Variants in KIRREL3 observed in about 807,000 individuals in gnomAD.
KIRREL3 encodes kirre like nephrin family adhesion molecule 3, also known as kin of IRRE-like protein 3.
A neutral mutation model predicts 89.7 loss-of-function variants in KIRREL3; 36 were observed. The ratio of observed to expected loss-of-function variants is 0.40; its 90% confidence interval spans 0.31 to 0.53. The LOEUF (loss-of-function observed/expected upper bound fraction) is 0.53. KIRREL3 is among the 20% of genes least tolerant of loss of function. KIRREL3 has a pLI of 0.49. For synonymous variants in KIRREL3, 445 were observed against 441.4 expected (o/e 1.01, Z -0.10); for missense variants, 864 against 1,056.6 (o/e 0.82, Z 2.53).
chr11:126,979,170 A>G (rs1023994079), intron 1 of KIRREL3, among the ~76,000 whole-genome samples: 4 of 152,240 alleles, frequency 2.6e-5, no homozygotes, highest in African/African-American at 4.8e-5. Flanking sequence ...TCCATTGTCA[A>G]TGCTCCACAG....
chr11:126,573,964 A>G (rs2134637754), intron 1 of KIRREL3, among the ~76,000 whole-genome samples: 2 of 152,186 alleles, frequency 1.3e-5, no homozygotes, highest in Middle Eastern at 6.8e-3. Flanking sequence ...TCCTGATTCT[A>G]CCCATTCTAT....
chr11:126,523,077 A>C lies in KIRREL3; in HGVS notation c.284-1613T>G, dbSNP rs1348717864. ...GGGTTGGGCATGTTCCTGAGCTCCC[A>C]AGGGCAGCACCAGCACCAACAGGCA... is the stretch of plus-strand genomic sequence containing the variant. On this transcript the variant is annotated intron_variant, in intron 3 of 16. Transcript: ENST00000525144. This position sits in a 1 kb window ranked among gnomAD's most constrained non-coding sequence, Gnocchi z 4.9. Among the ~76,000 whole-genome samples the C allele has an allele frequency of 6.6e-6, 1 of 152,224 alleles. No individual in the cohort carries two copies. Among genetic ancestry groups the C allele is most frequent in the Non-Finnish European group, 1.5e-5 (1 of 68,036 alleles).
chr11:126,712,944 TTAGGTGC>T (rs1947819799), intron 1 of KIRREL3, among the ~76,000 whole-genome samples: 2 of 152,214 alleles, frequency 1.3e-5, no homozygotes, highest in Admixed American at 1.3e-4. Flanking sequence ...GTGCTAGGTA[TTAGGTGC>T]TAGGTGTTAG....
At position 126,525,351 on chromosome 11, in the gene KIRREL3, G is replaced by A. The variant is rs117056283; in HGVS notation, c.283+1187C>T. Among the ~76,000 whole-genome samples, 1,155 of 152,338 alleles carry A rather than the reference G, an allele frequency of 7.6e-3. 10 individuals carry two copies. Among genetic ancestry groups the A allele is most frequent in the Non-Finnish European group, 0.012 (838 of 68,040 alleles). ...AGTTTCTCTAGGGTAAAGGCGTTCG[G>A]AGTCTCTGAAATTGGCTGGTTCCCA... is the stretch of plus-strand genomic sequence containing the variant. On this transcript the variant is annotated intron_variant, in intron 3 of 16. Coordinates refer to ENST00000525144, the MANE Select transcript of KIRREL3 (RefSeq NM_032531.4). The surrounding 1 kb of genome is among the most constrained non-coding windows in gnomAD (Gnocchi z 5.4).
intron 1 of KIRREL3, chr11:126,988,464 C>T (rs1010691477): frequency 1.3e-5 from 2 of 152,732 alleles, no homozygotes; most frequent in East Asian, 1.9e-4. Flanking sequence ...ACACGGCTGT[C>T]GGGACACCAG....
intron 1 of KIRREL3, among the ~76,000 whole-genome samples, chr11:126,706,049 T>C (rs1187845989): frequency 6.6e-6 from 1 of 152,212 alleles, no homozygotes; most frequent in East Asian, 1.9e-4. Flanking sequence ...TTATCAGCCA[T>C]GTGAGTGAAC....
At chr11:126,789,838 C>T (rs764914793) in intron 1 of KIRREL3, among the ~76,000 whole-genome samples, 1 of 152,198 alleles carries the variant, frequency 6.6e-6, no homozygotes, top group East Asian at 1.9e-4. Flanking sequence ...TATGGAATCC[C>T]GTCCTTGAAC....
chr11:126,583,503 T>A lies in KIRREL3; in HGVS notation c.56-20591A>T, dbSNP rs376884547. Among the ~76,000 whole-genome samples the A allele has an allele frequency of 2.0e-5, 3 of 152,296 alleles. No individual in the cohort carries two copies. The East Asian group carries it at 5.8e-4, about 29-fold the overall frequency. ...GAGCTTCTCTGTTCACATATTTACA[T>A]ATCAAGATAGAAAATGAATATACGA... On this transcript the variant is annotated intron_variant, in intron 1 of 16. Coordinates refer to ENST00000525144, the MANE Select transcript of KIRREL3 (RefSeq NM_032531.4).
chr11:126,452,059 G>T (rs936859889), intron 7 of KIRREL3, among the ~76,000 whole-genome samples: 1 of 151,954 alleles, frequency 6.6e-6, no homozygotes, highest in Non-Finnish European at 1.5e-5. Flanking sequence ...TCTTGCCTCC[G>T]TCTGACCCAT....
At chr11:126,695,125 G>A (rs1947037138) in intron 1 of KIRREL3, among the ~76,000 whole-genome samples, 1 of 152,206 alleles carries the variant, frequency 6.6e-6, no homozygotes, top group Non-Finnish European at 1.5e-5. Context: ...AGCTATGAAA[G>A]AGACCGTGGG....
chr11:126,886,756 A>G (rs1945711838), intron 1 of KIRREL3, among the ~76,000 whole-genome samples: 1 of 152,142 alleles, frequency 6.6e-6, no homozygotes, highest in South Asian at 2.1e-4. Context: ...TGACTGGGGA[A>G]TGACAGTCTT....
chr11:126,617,943 CA>C (rs1306676416), intron 1 of KIRREL3, among the ~76,000 whole-genome samples: 1 of 152,188 alleles, frequency 6.6e-6, no homozygotes, highest in Non-Finnish European at 1.5e-5. Flanking sequence ...TGTCCCCACC[CA>C]AGTCTTATGT....
chr11:126,507,234 T>C (rs1958051286), intron 4 of KIRREL3, among the ~76,000 whole-genome samples: 1 of 151,900 alleles, frequency 6.6e-6, no homozygotes, highest in Non-Finnish European at 1.5e-5. Flanking sequence ...GGGATCGTTT[T>C]AGGGTGATGA....
chr11:126,988,752 G>A (rs1287143788), intron 1 of KIRREL3, among the ~76,000 whole-genome samples: 1 of 152,208 alleles, frequency 6.6e-6, no homozygotes, highest in Admixed American at 6.5e-5. Context: ...TAGATTGCTA[G>A]GGGATGGAAT....
In KIRREL3 at chr11:126,891,841, G is replaced by A. The variant is rs972031631; in HGVS notation, c.55+108614C>T. 6.6e-6 allele frequency among the ~76,000 whole-genome samples: 1 copy of A among 152,208 alleles called. No individual in the cohort carries two copies. Among genetic ancestry groups the A allele is most frequent in the East Asian group, 1.9e-4 (1 of 5,190 alleles). The stretch of plus-strand genomic sequence containing the variant: ...GTGAGGTCTGTCTTTTCTTTGAAAG[G>A]GACAGAGGAGTGTGGTCCTTGGGAC... On this transcript the variant is annotated intron_variant, in intron 1 of 16. Transcript: ENST00000525144. The surrounding 1 kb of genome is among the most constrained non-coding windows in gnomAD (Gnocchi z 5.1).
chr11:126,894,932 CAG>C (rs1946089778), intron 1 of KIRREL3, among the ~76,000 whole-genome samples: 1 of 151,584 alleles, frequency 6.6e-6, no homozygotes. Context: ...CCATTCTAGG[CAG>C]AGAGAGGCAT....
chr11:126,644,543 C>T (rs940690457), intron 1 of KIRREL3, among the ~76,000 whole-genome samples: 1 of 151,904 alleles, frequency 6.6e-6, no homozygotes, highest in Non-Finnish European at 1.5e-5. Context: ...CTGAAATCAC[C>T]AAGGATGAAG....
Position 126,854,961 on chromosome 11 carries a change from T to C in KIRREL3, c.55+145494A>G, listed in dbSNP as rs528595755. ...ACAGATATAGATTCACCCTTGTCTC[T>C]AAGTCGTGGCTGTGGTACAGATGTG... On this transcript the variant is annotated intron_variant, in intron 1 of 16. Transcript: ENST00000525144. Among the ~76,000 whole-genome samples, 8 of 152,280 alleles carry C rather than the reference T, an allele frequency of 5.3e-5. No homozygotes were observed. The South Asian group carries it at 1.5e-3, about 28-fold the overall frequency.
rs908767087 is a variant in KIRREL3 at position 126,515,025 on chromosome 11, T to C, written c.433+6290A>G. On this transcript the variant is annotated intron_variant, in intron 4 of 16. Transcript: ENST00000525144. This position sits in a 1 kb window ranked among gnomAD's most constrained non-coding sequence, Gnocchi z 4.2. Reference sequence around the variant, plus strand: ...GAACACCCAGTATGTGATTCTAGGCTGTGCTAGGCATGAAGGATGAAAGAT... The same window carrying C: ...GAACACCCAGTATGTGATTCTAGGCCGTGCTAGGCATGAAGGATGAAAGAT... Among the ~76,000 whole-genome samples the C allele has an allele frequency of 2.0e-5, 3 of 152,174 alleles. No homozygotes were observed. Among genetic ancestry groups the C allele is most frequent in the Admixed American group, 1.3e-4 (2 of 15,272 alleles).
Sources: allele counts gnomAD v4.1 joint callset (sites outside exome capture counted in the v4.1 genomes callset), GRCh38; gene constraint gnomAD v4.1.1; non-coding constraint Gnocchi (gnomAD v3.1); transcripts MANE v1.5; gene names NCBI Gene and HGNC (gene_info 2026-07-23, HGNC 2026-07-21).